The following GULP1 variants were observed in gnomAD, a reference collection of about 807,000 sequenced individuals.
The protein encoded by GULP1 is PTB domain-containing engulfment adapter protein 1.
Under a neutral mutation model 40.9 loss-of-function variants are expected in GULP1, and 19 were observed. That is an observed-to-expected ratio of 0.46 (90% CI 0.32 to 0.68). The LOEUF is 0.68. GULP1 is among the 30% of genes least tolerant of loss of function. GULP1 has a pLI of 0.03. For synonymous variants in GULP1, 119 were observed against 117.6 expected, an observed-to-expected ratio of 1.01 and a Z score of -0.08; for missense variants, 312 against 362.2, an observed-to-expected ratio of 0.86 and a Z score of 1.12.
intron 2 of GULP1, among the ~76,000 whole-genome samples, chr2:188,449,949 T>G (rs1227783564): frequency 6.6e-6 from 1 of 152,232 alleles, no homozygotes; most frequent in Non-Finnish European, 1.5e-5. Flanking sequence ...TTTTCTTTCT[T>G]CCTCTTTTCT....
rs548270371 is a variant in GULP1, at chr2:188,440,981, A to G, written c.-44-36678A>G. 3.3e-3 allele frequency among the ~76,000 whole-genome samples: 496 copies of G among 152,264 alleles called. 1 individual carries two copies. Among genetic ancestry groups the G allele is most frequent in the Non-Finnish European group, 4.3e-3 (291 of 68,010 alleles). ...GAATTGTAGGAGGAGAAGAGGGGCAAAGGAGATGTAAGAAGTGGTCCCTAT... is the reference window on the plus strand; with the variant it reads ...GAATTGTAGGAGGAGAAGAGGGGCAGAGGAGATGTAAGAAGTGGTCCCTAT... On this transcript the variant is annotated intron_variant, in intron 2 of 11. Transcript: ENST00000409830.
At position 188,593,992 on chromosome 2, in the gene GULP1, C is replaced by T. The variant is rs761780319; in HGVS notation, c.896C>T (p.Pro299Leu). 12 of 1,593,170 alleles carry T rather than the reference C, an allele frequency of 7.5e-6. No individual in the cohort carries two copies. The highest frequency in any genetic ancestry group is 2.2e-5 in the South Asian group (2 of 90,390). The change falls in exon 12 of 12, where the codon CCG becomes CTG. Residue 299 changes from proline to leucine, a missense_variant. Coordinates refer to ENST00000409830, the MANE Select transcript of GULP1 (RefSeq NM_016315.4). The part of the protein sequence containing the change: ...TLEGTVFCLD[P>L]LDSRC ...GAAGGCACAGTATTTTGTCTCGACC[C>T]GTTAGACAGTAGGTGCTGACATCAA...
intron 1 of GULP1, among the ~76,000 whole-genome samples, chr2:188,317,084 G>A (rs34575499): frequency 0.15 from 23,005 of 152,018 alleles, 1,894 homozygotes; most frequent in African/African-American, 0.17. Context: ...TAGCAAAATC[G>A]GTTTTTATCT....
chr2:188,321,099 T>G (rs1221570556), intron 1 of GULP1, among the ~76,000 whole-genome samples: 1 of 152,168 alleles, frequency 6.6e-6, no homozygotes, highest in East Asian at 1.9e-4. Context: ...TAGGCTATTT[T>G]AAAAGAATTA....
At chr2:188,327,851 G>A (rs1419155815) in intron 1 of GULP1, among the ~76,000 whole-genome samples, 1 of 152,036 alleles carries the variant, frequency 6.6e-6, no homozygotes, top group East Asian at 1.9e-4. Flanking sequence ...AATTTCACAT[G>A]GCCAACCTAA....
chr2:188,537,610 A>G (rs1384783996), intron 6 of GULP1, among the ~76,000 whole-genome samples: 2 of 152,078 alleles, frequency 1.3e-5, no homozygotes, highest in South Asian at 2.1e-4. Flanking sequence ...GAATTTTTGC[A>G]TCTATGTACA....
chr2:188,309,715 T>G (rs1053508069), intron 1 of GULP1, among the ~76,000 whole-genome samples: 4 of 152,220 alleles, frequency 2.6e-5, no homozygotes, highest in African/African-American at 9.6e-5. Context: ...AATTGAAATT[T>G]AAATTGAGTG....
chr2:188,485,048 A>C (rs1348278672), intron 4 of GULP1, among the ~76,000 whole-genome samples: 2 of 152,088 alleles, frequency 1.3e-5, no homozygotes, highest in Non-Finnish European at 2.9e-5. Context: ...TACTGAAAAA[A>C]TTTTAATCTG....
intron 2 of GULP1, among the ~76,000 whole-genome samples, chr2:188,391,926 A>G (rs2050580297): frequency 6.6e-6 from 1 of 151,726 alleles, no homozygotes; most frequent in African/African-American, 2.4e-5. Flanking sequence ...TGACTTGTGT[A>G]TGTTAAACCA....
rs1704333636 is a variant in GULP1, at chr2:188,595,852, C to T, written c.*1841C>T. On this transcript the variant is annotated 3_prime_UTR_variant, in exon 12 of 12. Coordinates refer to ENST00000409830, the MANE Select transcript of GULP1 (RefSeq NM_016315.4). ...TTCTCCAGTGCGTTTTTATGAAGAT[C>T]TGGTTGAAAATTGTATTTCTATGTA... 1 of 152,142 alleles carries T rather than the reference C, an allele frequency of 6.6e-6. No homozygotes were observed. The highest frequency in any genetic ancestry group is 2.1e-4 in the South Asian group (1 of 4,820). 9.4% of individuals were successfully genotyped at this position (152,142 alleles called of 1,614,324 possible). A position where few individuals can be genotyped will look rare whatever the true frequency, so the allele number is the denominator to read the frequency against.
chr2:188,463,588 C>T (rs2059884267), intron 2 of GULP1, among the ~76,000 whole-genome samples: 2 of 152,016 alleles, frequency 1.3e-5, no homozygotes, highest in Non-Finnish European at 2.9e-5. Flanking sequence ...TTATCCCTTT[C>T]TACTCCTATC....
intron 1 of GULP1, among the ~76,000 whole-genome samples, chr2:188,345,723 C>T (rs375129629): frequency 1.1e-3 from 165 of 152,230 alleles, no homozygotes; most frequent in Non-Finnish European, 1.9e-3. Context: ...GATAAGATTT[C>T]ATTTAAGATT....
At chr2:188,431,595 A>G (rs1177792633) in intron 2 of GULP1, among the ~76,000 whole-genome samples, 3 of 152,102 alleles carry the variant, frequency 2.0e-5, no homozygotes, top group Non-Finnish European at 4.4e-5. Flanking sequence ...TTTAATGTAA[A>G]AGCTTAATCT....
At chr2:188,298,072 A>G (rs2035366313) in intron 1 of GULP1, among the ~76,000 whole-genome samples, 2 of 152,132 alleles carry the variant, frequency 1.3e-5, no homozygotes, top group African/African-American at 2.4e-5. Context: ...AGTATTTTGT[A>G]AAGTATCTTT....
chr2:188,369,850 A>AT (rs200468778), intron 1 of GULP1, among the ~76,000 whole-genome samples: 42 of 151,750 alleles, frequency 2.8e-4, no homozygotes, highest in African/African-American at 8.9e-4. Flanking sequence ...TTACTGTTGC[A>AT]TTTTTTTTAA....
intron 1 of GULP1, among the ~76,000 whole-genome samples, chr2:188,357,948 G>A (rs1295438555): frequency 6.6e-6 from 1 of 152,200 alleles, no homozygotes; most frequent in African/African-American, 2.4e-5. Flanking sequence ...GGAGGCTGAA[G>A]CAGGTGGATC....
At chr2:188,351,464 C>T (rs1410733006) in intron 1 of GULP1, among the ~76,000 whole-genome samples, 1 of 151,970 alleles carries the variant, frequency 6.6e-6, no homozygotes, top group African/African-American at 2.4e-5. Flanking sequence ...TAATACGTCC[C>T]CCCAAATTTC....
chr2:188,515,909 A>G (rs952177656), intron 4 of GULP1, among the ~76,000 whole-genome samples: 3 of 152,318 alleles, frequency 2.0e-5, no homozygotes, highest in East Asian at 1.9e-4. Flanking sequence ...TTATCAAATA[A>G]TCTATGTCCA....
chr2:188,491,784 C>T (rs1003877499), intron 4 of GULP1, among the ~76,000 whole-genome samples: 4 of 152,046 alleles, frequency 2.6e-5, no homozygotes, highest in Non-Finnish European at 5.9e-5. Context: ...CCTTAGGCAA[C>T]ATATACATAA....
Sources: gnomAD v4.1 joint callset for allele counts (sites outside exome capture counted in the v4.1 genomes callset) on GRCh38, gnomAD v4.1.1 for gene constraint, MANE v1.5 for transcripts, NCBI Gene and HGNC (gene_info 2026-07-23, HGNC 2026-07-21) for gene names.